Variants in ADRA1A observed in about 807,000 individuals in gnomAD.
ADRA1A encodes the protein alpha-1A adrenergic receptor.
ADRA1A carries 31 observed loss-of-function variants against 29.6 expected under a neutral mutation model. That is an observed-to-expected ratio of 1.05 (90% confidence interval 0.79 to 1.41). The LOEUF (loss-of-function observed/expected upper bound fraction) is 1.41, where lower values mean the gene tolerates loss of function less well. ADRA1A is among the 40% of genes most tolerant of loss of function. The pLI, the probability that ADRA1A is intolerant of heterozygous loss-of-function variation, is 0.00. For missense variants in ADRA1A, 619 were observed against 601.1 expected, an observed-to-expected ratio of 1.03 and a Z score of -0.31; for synonymous variants, 311 against 254.3, an observed-to-expected ratio of 1.22 and a Z score of -2.12.
chr8:26,816,084 G>GGAGTC (rs1306280844), intron 2 of ADRA1A, among the ~76,000 whole-genome samples: 2 of 152,200 alleles, frequency 1.3e-5, no homozygotes, highest in Non-Finnish European at 2.9e-5. Flanking sequence ...AGCATCCCGA[G>GGAGTC]GAGTCGTCCC....
At chr8:26,814,348 A>G (rs1047311332) in intron 2 of ADRA1A, among the ~76,000 whole-genome samples, 3 of 152,152 alleles carry the variant, frequency 2.0e-5, no homozygotes, top group African/African-American at 7.2e-5. Flanking sequence ...GGTTTAAGCA[A>G]TCTTCCCACC....
At chr8:26,772,529 T>C (rs1806247442) in intron 2 of ADRA1A, among the ~76,000 whole-genome samples, 1 of 152,210 alleles carries the variant, frequency 6.6e-6, no homozygotes, top group Admixed American at 6.5e-5. Flanking sequence ...TCCAGTTTTC[T>C]TATCTGAAAA....
Position 26,796,603 on chromosome 8 carries a change from C to T in ADRA1A, c.884-25937G>A, listed in dbSNP as rs190257568. Among the ~76,000 whole-genome samples, 38 of 152,112 alleles carry T rather than the reference C, an allele frequency of 2.5e-4. No homozygotes were observed. Among genetic ancestry groups the T allele is most frequent in the Non-Finnish European group, 4.4e-4 (30 of 67,990 alleles). On this transcript the variant is annotated intron_variant, in intron 2 of 2. Coordinates refer to ENST00000380573, the MANE Select transcript of ADRA1A (RefSeq NM_000680.4). This position sits in a 1 kb window ranked among gnomAD's most constrained non-coding sequence, Gnocchi z 5.0. ...GATTCGAGGACAAATGTATCCTACA[C>T]GTGGCCGCAGAGAACAGACACCATG...
chr8:26,749,806 T>A (rs1313689839), intron 2 of ADRA1A, among the ~76,000 whole-genome samples: 1 of 152,172 alleles, frequency 6.6e-6, no homozygotes, highest in East Asian at 1.9e-4. Context: ...TTGGACCATG[T>A]ATTCTTAGTG....
rs904845397 is a variant in ADRA1A at position 26,815,660 on chromosome 8, G to A, written c.884-44994C>T. Among the ~76,000 whole-genome samples the A allele has an allele frequency of 1.3e-5, 2 of 152,208 alleles. No homozygotes were observed. Among genetic ancestry groups the A allele is most frequent in the African/African-American group, 4.8e-5 (2 of 41,448 alleles). On this transcript the variant is annotated intron_variant, in intron 2 of 2. Coordinates refer to ENST00000380573, the MANE Select transcript of ADRA1A (RefSeq NM_000680.4). This position sits in a 1 kb window ranked among gnomAD's most constrained non-coding sequence, Gnocchi z 4.2. ...GTCTCAGCCTGGATACTGTTTGTGG[G>A]AGAGAAAGGTCTCTGTTGAGTACTG...
At chr8:26,791,790 G>T (rs1180052676) in intron 2 of ADRA1A, among the ~76,000 whole-genome samples, 1 of 151,804 alleles carries the variant, frequency 6.6e-6, no homozygotes, top group Non-Finnish European at 1.5e-5. Flanking sequence ...TGGGTTTGCA[G>T]GTCTAGACCT....
chr8:26,766,718 T>C (rs1029198741), downstream of ADRA1A, among the ~76,000 whole-genome samples: 3 of 152,116 alleles, frequency 2.0e-5, no homozygotes, highest in African/African-American at 7.2e-5. Context: ...TAAATCATGG[T>C]TCCCCTTGGC....
At chr8:26,850,025 C>CAAAAAAACAAAAACAAAAAACA (rs141672591) in intron 2 of ADRA1A, among the ~76,000 whole-genome samples, 1 of 121,558 alleles carries the variant, frequency 8.2e-6, no homozygotes, top group South Asian at 2.6e-4. Context: ...GAGAGAAATG[C>CAAAAAAACAAAAACAAAAAACA]AAAAACAAAA....
intron 2 of ADRA1A, among the ~76,000 whole-genome samples, chr8:26,850,025 C>CAAAAAAAAAAAAACCAAAAAACA (rs141672591): frequency 1.6e-5 from 2 of 121,558 alleles, no homozygotes; most frequent in Non-Finnish European, 3.4e-5. Flanking sequence ...GAGAGAAATG[C>CAAAAAAAAAAAAACCAAAAAACA]AAAAACAAAA....
rs189546321 is a variant in ADRA1A at position 26,862,765 on chromosome 8, T to A, written c.883+1322A>T. 3.9e-4 allele frequency among the ~76,000 whole-genome samples: 59 copies of A among 152,332 alleles called. 1 individual carries two copies. The highest frequency in any genetic ancestry group is 1.5e-3 in the Admixed American group (23 of 15,302). On this transcript the variant is annotated intron_variant, in intron 2 of 2. Transcript: ENST00000380573. ...ATATCTCTGCTGTCTAAAACAGTAG[T>A]CACTGGCCACGTGTGACTATGGAGC... is the stretch of plus-strand genomic sequence containing the variant.
intron 2 of ADRA1A, among the ~76,000 whole-genome samples, chr8:26,827,223 C>T (rs1241811513): frequency 2.0e-5 from 3 of 152,092 alleles, no homozygotes; most frequent in Non-Finnish European, 2.9e-5. Flanking sequence ...CTAAAAACTG[C>T]CACAAGATGA....
chr8:26,865,158 A>G lies in ADRA1A; in HGVS notation c.-189T>C, dbSNP rs1423493977. The G allele has an allele frequency of 4.2e-6, 6 of 1,430,988 alleles. No homozygotes were observed. Among genetic ancestry groups the G allele is most frequent in the Non-Finnish European group, 5.5e-6 (6 of 1,097,476 alleles). 88.6% of individuals were successfully genotyped at this position (1,430,988 alleles called of 1,614,324 possible). A position where few individuals can be genotyped will look rare whatever the true frequency, so the allele number is the denominator to read the frequency against. On this transcript the variant is annotated 5_prime_UTR_variant, in exon 2 of 3. Transcript: ENST00000380573. The surrounding 1 kb of genome is among the most constrained non-coding windows in gnomAD (Gnocchi z 7.6). ...CCTGGCCAGCCCTGGGAACCCTCAG[A>G]AGGCCACATGAAGGGGCAGGGCATT... is the stretch of plus-strand genomic sequence containing the variant.
At position 26,864,231 on chromosome 8, in the gene ADRA1A, C is replaced by CGCT; in HGVS notation, c.736_738dup (p.Ser246dup). On this transcript the variant is annotated inframe_insertion, in exon 2 of 3. Transcript: ENST00000380573. The surrounding 1 kb of genome is among the most constrained non-coding windows in gnomAD (Gnocchi z 8.1). ...GTCTTGGTCTTGGCGCTGGCCATCC[C>CGCT]GCTGCCTCCTGCCGGGGCGTTTTTC... is the stretch of plus-strand genomic sequence containing the variant. 1 of 1,614,198 alleles carries CGCT rather than the reference C, an allele frequency of 6.2e-7. No individual in the cohort carries two copies. Among genetic ancestry groups the CGCT allele is most frequent in the Non-Finnish European group, 8.5e-7 (1 of 1,180,042 alleles).
intron 2 of ADRA1A, among the ~76,000 whole-genome samples, chr8:26,861,370 C>T (rs1228962146): frequency 3.5e-5 from 5 of 144,546 alleles, no homozygotes; most frequent in African/African-American, 5.2e-5. Flanking sequence ...GGCATGATCT[C>T]GGCTCACTGC....
chr8:26,844,800 A>G (rs1220662834), intron 2 of ADRA1A, among the ~76,000 whole-genome samples: 1 of 152,196 alleles, frequency 6.6e-6, no homozygotes, highest in Non-Finnish European at 1.5e-5. Context: ...GAGAAAACAT[A>G]AGGATACATT....
chr8:26,799,925 G>T (rs1808448752), intron 2 of ADRA1A, among the ~76,000 whole-genome samples: 1 of 152,130 alleles, frequency 6.6e-6, no homozygotes, highest in Admixed American at 6.6e-5. Flanking sequence ...AAAAAATAAA[G>T]TTGGAGGAGT....
At chr8:26,789,106 C>T (rs1358161848) in intron 2 of ADRA1A, among the ~76,000 whole-genome samples, 1 of 151,928 alleles carries the variant, frequency 6.6e-6, no homozygotes, top group African/African-American at 2.4e-5. Flanking sequence ...CCCCTTTTCC[C>T]CCCACCCCTG....
Position 26,867,176 on chromosome 8 carries a change from A to T in ADRA1A, c.-927T>A, listed in dbSNP as rs949087687. 1.0e-6 allele frequency: 1 copy of T among 985,350 alleles called. No homozygotes were observed. Among genetic ancestry groups the T allele is most frequent in the Non-Finnish European group, 1.2e-6 (1 of 829,960 alleles). The allele number at this position is 985,350 out of a possible 1,614,324, so 61.0% of individuals were successfully genotyped here. A position where few individuals can be genotyped will look rare whatever the true frequency, so the allele number is the denominator to read the frequency against. ...AGAGTCAAAATAAGAAAAGAAAAAAAAATGCAGATAACCGGTAACTCCACA... is the reference window on the plus strand; with the variant it reads ...AGAGTCAAAATAAGAAAAGAAAAAATAATGCAGATAACCGGTAACTCCACA... On this transcript the variant is annotated 5_prime_UTR_variant, in exon 1 of 3. Coordinates refer to ENST00000380573, the MANE Select transcript of ADRA1A (RefSeq NM_000680.4).
chr8:26,844,848 C>T (rs1204551733), intron 2 of ADRA1A, among the ~76,000 whole-genome samples: 2 of 152,092 alleles, frequency 1.3e-5, no homozygotes, highest in Non-Finnish European at 2.9e-5. Context: ...CTTTTGGCTT[C>T]CCTGGACCAC....
Sources: gnomAD v4.1 joint callset for allele counts (sites outside exome capture counted in the v4.1 genomes callset) on GRCh38, gnomAD v4.1.1 for gene constraint, Gnocchi (gnomAD v3.1) non-coding constraint, MANE v1.5 for transcripts, NCBI Gene and HGNC (gene_info 2026-07-23, HGNC 2026-07-21) for gene names.